The following CBL variants were observed in gnomAD, a reference collection of about 807,000 sequenced individuals.
CBL encodes the protein E3 ubiquitin-protein ligase CBL.
Under a neutral mutation model 96.9 loss-of-function variants are expected in CBL, and 45 were observed. The observed-to-expected ratio is 0.46, with a 90% CI of 0.37 to 0.60. The LOEUF (loss-of-function observed/expected upper bound fraction) is 0.60, where lower values mean the gene tolerates loss of function less well. Ranked by LOEUF, CBL falls within the 20% of genes least tolerant of loss-of-function variation. CBL has a pLI of 0.00. For missense variants in CBL, 1,024 were observed against 1,143.5 expected, an observed-to-expected ratio of 0.90 and a Z score of 1.51; for synonymous variants, 420 against 426.8, an observed-to-expected ratio of 0.98 and a Z score of 0.20.
At chr11:119,284,297 A>G (rs2135309484) in intron 9 of CBL, among the ~76,000 whole-genome samples, 1 of 151,606 alleles carries the variant, frequency 6.6e-6, no homozygotes. Context: ...CCCCACTGCC[A>G]TCCTTTTTTT....
At chr11:119,274,087 T>C in intron 4 of CBL, 63 bp downstream of exon 4, 1 of 1,279,872 alleles carries the variant, frequency 7.8e-7, no homozygotes, top group Non-Finnish European at 1.1e-6. Context: ...AAAGCTTTTT[T>C]TTTTTTTTTT....
rs181589369 is a variant in CBL at position 119,274,972 on chromosome 11, A to G, written c.869+19A>G. Reference sequence around the variant, plus strand: ...CTGGCAGGTCAGTTCAATGACGCAAAGAGATTTATTCTTCTGAATTTCGTT... The same window carrying G: ...CTGGCAGGTCAGTTCAATGACGCAAGGAGATTTATTCTTCTGAATTTCGTT... On this transcript the variant is annotated intron_variant, in intron 5 of 15. Coordinates refer to ENST00000264033, the MANE Select transcript of CBL (RefSeq NM_005188.4). 636 of 1,609,140 alleles carry G rather than the reference A, an allele frequency of 4.0e-4. 5 individuals are homozygous for G. The African/African-American group carries it at 7.3e-3, about 18-fold the overall frequency.
At position 119,285,033 on chromosome 11, in the gene CBL, G is replaced by A. The variant is rs1949969900; in HGVS notation, c.1496G>A (p.Arg499Gln). 4 of 1,614,098 alleles carry A rather than the reference G, an allele frequency of 2.5e-6. No homozygotes were observed. The highest frequency in any genetic ancestry group is 3.4e-6 in the Non-Finnish European group (4 of 1,180,020). Reference protein sequence around the residue: ...PQASLPPVPPRLDLLPQRVCV... With the variant: ...PQASLPPVPPQLDLLPQRVCV... Reference sequence around the variant, plus strand: ...GCTTCCCTTCCCCCGGTGCCACCACGACTTGACCTTCTGCCGCAGCGAGTA... The same window carrying A: ...GCTTCCCTTCCCCCGGTGCCACCACAACTTGACCTTCTGCCGCAGCGAGTA... The change falls in exon 10 of 16, where the codon CGA becomes CAA. Residue 499 changes from arginine to glutamine, a missense_variant. Around this residue, in one of 4 missense-constraint regions of CBL, gnomAD observed 695 missense variants for 661.6 expected, o/e 1.05. Transcript: ENST00000264033.
intron 2 of CBL, among the ~76,000 whole-genome samples, chr11:119,264,434 TTCTCTTC>T (rs1185053771): frequency 3.3e-5 from 3 of 90,210 alleles, no homozygotes; most frequent in South Asian, 6.3e-4. Flanking sequence ...TTCTCTTCTC[TTCTCTTC>T]TTTCTCTTCT....
intron 1 of CBL, among the ~76,000 whole-genome samples, chr11:119,209,895 A>G (rs1050589357): frequency 5.9e-5 from 9 of 152,350 alleles, no homozygotes; most frequent in South Asian, 2.1e-4. Context: ...ACTGTTGGAA[A>G]AATGTTTGTG....
chr11:119,210,434 T>G (rs1048203080), intron 1 of CBL, among the ~76,000 whole-genome samples: 2 of 151,960 alleles, frequency 1.3e-5, no homozygotes, highest in Non-Finnish European at 2.9e-5. Context: ...TTTAATTTAG[T>G]AAGAGACTTT....
At chr11:119,263,966 C>A (rs1949774830) in intron 2 of CBL, among the ~76,000 whole-genome samples, 1 of 152,186 alleles carries the variant, frequency 6.6e-6, no homozygotes, top group Non-Finnish European at 1.5e-5. Context: ...TGTTACCCTT[C>A]AGCAGTATAA....
intron 1 of CBL, among the ~76,000 whole-genome samples, chr11:119,216,129 C>T (rs1002152576): frequency 1.7e-4 from 26 of 152,158 alleles, no homozygotes; most frequent in African/African-American, 6.3e-4. Context: ...CCCTCTGGGT[C>T]CCCTCTCTGC....
At chr11:119,232,095 A>G in intron 1 of CBL, among the ~76,000 whole-genome samples, 1 of 152,190 alleles carries the variant, frequency 6.6e-6, no homozygotes, top group East Asian at 1.9e-4. Flanking sequence ...TAAAAAATAA[A>G]TAAATAAATA....
intron 14 of CBL, 41 bp from the exon 15 acceptor site, chr11:119,298,317 A>C: frequency 6.4e-7 from 1 of 1,562,464 alleles, no homozygotes; most frequent in African/African-American, 1.4e-5. Context: ...TTAGAAGATG[A>C]AGTGCGTCAG....
chr11:119,221,494 A>G (rs550290439), intron 1 of CBL, among the ~76,000 whole-genome samples: 1 of 151,544 alleles, frequency 6.6e-6, no homozygotes, highest in Non-Finnish European at 1.5e-5. Flanking sequence ...TAAGCTGGGC[A>G]CAGTGGCTCA....
chr11:119,261,040 G>A (rs965985770), intron 2 of CBL, among the ~76,000 whole-genome samples: 1 of 146,068 alleles, frequency 6.8e-6, no homozygotes, highest in South Asian at 2.2e-4. Context: ...AGCTATCCGA[G>A]TAGCTGGGAT....
At chr11:119,294,507 T>G (rs895109967) in intron 12 of CBL, among the ~76,000 whole-genome samples, 3 of 150,700 alleles carry the variant, frequency 2.0e-5, no homozygotes, top group African/African-American at 7.3e-5. Context: ...AAAATATAGG[T>G]AAGCAGGCTG....
In CBL at chr11:119,285,119, CTGCAGTTTT is replaced by C. The variant is rs1949971222; in HGVS notation, c.1563+22_1563+30del. The C allele has an allele frequency of 2.5e-6, 4 of 1,614,142 alleles. No individual in the cohort carries two copies. Among genetic ancestry groups the C allele is most frequent in the Non-Finnish European group, 3.4e-6 (4 of 1,180,016 alleles). The stretch of plus-strand genomic sequence containing the variant: ...TTCTAAGGTAAAGCATTTTCCATTA[CTGCAGTTTT>C]TGGATTCTTTGCTGTGTACTAGTGG... On this transcript the variant is annotated intron_variant, in intron 10 of 15. Coordinates refer to ENST00000264033, the MANE Select transcript of CBL (RefSeq NM_005188.4).
chr11:119,285,240 CT>C lies in CBL; in HGVS notation c.1617del (p.Arg540GlufsTer75), dbSNP rs1476254146. 6.2e-7 allele frequency: 1 copy of C among 1,614,196 alleles called. No individual in the cohort carries two copies. The highest frequency in any genetic ancestry group is 1.1e-5 in the South Asian group (1 of 91,084). On this transcript the variant is annotated frameshift_variant, in exon 11 of 16. Coordinates refer to ENST00000264033, the MANE Select transcript of CBL (RefSeq NM_005188.4). LOFTEE classifies it high-confidence loss of function. Reference protein sequence around the residue: ...KDKPLPVPPTLRDLPPPPPPD... With the variant: ...KDKPLPVPPTXRDLPPPPPPD... Reference sequence around the variant, plus strand: ...CAAACCATTGCCAGTACCTCCCACACTTCGAGATCTTCCACCACCACCGCCT... The same window carrying C: ...CAAACCATTGCCAGTACCTCCCACACTCGAGATCTTCCACCACCACCGCCT...
intron 1 of CBL, among the ~76,000 whole-genome samples, chr11:119,218,268 C>CT (rs1949379280): frequency 6.6e-6 from 1 of 152,108 alleles, no homozygotes; most frequent in African/African-American, 2.4e-5. Context: ...ACCCTCTATG[C>CT]TATAGAGTCA....
chr11:119,209,231 T>C (rs774874895), intron 1 of CBL, among the ~76,000 whole-genome samples: 2 of 152,230 alleles, frequency 1.3e-5, no homozygotes, highest in African/African-American at 2.4e-5. Flanking sequence ...TTGAAAGTCT[T>C]AAATGTGTCA....
chr11:119,238,240 A>G (rs1232142268), intron 2 of CBL, among the ~76,000 whole-genome samples: 1 of 147,992 alleles, frequency 6.8e-6, no homozygotes, highest in African/African-American at 2.5e-5. Context: ...TTTTTTTAAT[A>G]GATAGAGTCT....
intron 1 of CBL, among the ~76,000 whole-genome samples, chr11:119,224,104 C>T (rs951420439): frequency 6.6e-6 from 1 of 152,040 alleles, no homozygotes; most frequent in African/African-American, 2.4e-5. Flanking sequence ...ATTTAGTATA[C>T]AAATGAACTT....
Sources: allele counts gnomAD v4.1 joint callset (sites outside exome capture counted in the v4.1 genomes callset), GRCh38; gene constraint gnomAD v4.1.1; regional missense constraint gnomAD v4.1.1; transcripts MANE v1.5; gene names NCBI Gene and HGNC (gene_info 2026-07-23, HGNC 2026-07-21).